Variants in SLC2A12 observed in about 807,000 individuals in gnomAD.
SLC2A12 encodes the protein solute carrier family 2, facilitated glucose transporter member 12.
Under a neutral mutation model 41.8 loss-of-function variants are expected in SLC2A12, and 23 were observed. The ratio of observed to expected loss-of-function variants is 0.55; its 90% CI spans 0.40 to 0.78. SLC2A12 has a LOEUF of 0.78. SLC2A12 is among the 30% of genes least tolerant of loss of function. The probability of loss-of-function intolerance (pLI) is 0.00; values close to 1 mark genes in which losing one functional copy is unlikely to be tolerated. For missense variants in SLC2A12, 654 were observed against 745.6 expected (o/e 0.88, Z 1.43); for synonymous variants, 295 against 285.9 (o/e 1.03, Z -0.32).
intron 2 of SLC2A12, among the ~76,000 whole-genome samples, chr6:134,024,750 G>T (rs570876920): frequency 1.3e-5 from 2 of 152,310 alleles, no homozygotes; most frequent in East Asian, 3.9e-4. Flanking sequence ...TGATAGACTA[G>T]AAACCAGAAT....
chr6:134,033,279 T>C (rs1300730593), intron 1 of SLC2A12, among the ~76,000 whole-genome samples: 2 of 152,152 alleles, frequency 1.3e-5, no homozygotes, highest in Non-Finnish European at 2.9e-5. Flanking sequence ...TTTTGTGTGC[T>C]GTTTGACTTT....
At position 134,029,673 on chromosome 6, in the gene SLC2A12, C is replaced by A. The variant is rs753972774; in HGVS notation, c.152G>T (p.Gly51Val). ...FLSSVTAAVS[G>V]LLVGYELGII... ...CCCAAGTTCATAACCCACCAGGAGG[C>A]CACTGACAGCAGCAGTGACAGATGA... Residue 51 changes from glycine to valine, a missense_variant, in exon 2 of 5, where the codon GGC becomes GTC. Physicochemically the swap from Gly to Val is moderately radical, Grantham distance 109 (BLOSUM62 -3). Transcript: ENST00000275230. 1 of 1,610,290 alleles carries A rather than the reference C, an allele frequency of 6.2e-7. No individual in the cohort carries two copies.
chr6:134,029,492 G>A lies in SLC2A12; in HGVS notation c.333C>T (p.Ile111=). Residue 111 remains isoleucine, a synonymous_variant, in exon 2 of 5, where the codon ATC becomes ATT. Coordinates refer to ENST00000275230, the MANE Select transcript of SLC2A12 (RefSeq NM_145176.3). ...CGAGTCCAAGCAGGCAGGATGACAA[G>A]ATGATTGCTGTCCTTCTTCCATATC... ...IDRYGRRTAI[I]LSSCLLGLGS... The A allele has an allele frequency of 6.2e-7, 1 of 1,614,220 alleles. No individual in the cohort carries two copies. Among genetic ancestry groups the A allele is most frequent in the East Asian group, 2.2e-5 (1 of 44,878 alleles).
intron 4 of SLC2A12, among the ~76,000 whole-genome samples, chr6:134,001,637 A>G (rs1203352311): frequency 6.6e-6 from 1 of 152,194 alleles, no homozygotes; most frequent in Non-Finnish European, 1.5e-5. Context: ...GATGATAATT[A>G]TAAAAGGCTA....
At chr6:134,036,587 C>T (rs999598979) in intron 1 of SLC2A12, among the ~76,000 whole-genome samples, 1 of 152,084 alleles carries the variant, frequency 6.6e-6, no homozygotes, top group African/African-American at 2.4e-5. Context: ...GTCCTTTCAC[C>T]GCTAGCCTTC....
chr6:134,043,979 C>G (rs1009126666), intron 1 of SLC2A12, among the ~76,000 whole-genome samples: 2 of 152,084 alleles, frequency 1.3e-5, no homozygotes, highest in Non-Finnish European at 2.9e-5. Context: ...GCTTTGAACT[C>G]TGTGCTCCCA....
rs1447807978 is a variant in SLC2A12, at chr6:133,990,548, CATTAA to C, written c.*602_*606del. ...ATGAAATTCATAAAAGGATATTTTG[CATTAA>C]ATTATAGTTTATAGTTCATAAAATA... On this transcript the variant is annotated 3_prime_UTR_variant, in exon 5 of 5. Transcript: ENST00000275230. 2.0e-5 allele frequency: 3 copies of C among 152,336 alleles called. No homozygotes were observed. The highest frequency in any genetic ancestry group is 2.9e-5 in the Non-Finnish European group (2 of 68,020). 9.4% of individuals were successfully genotyped at this position (152,336 alleles called of 1,614,324 possible). A position where few individuals can be genotyped will look rare whatever the true frequency, so the allele number is the denominator to read the frequency against.
At chr6:134,038,541 G>C (rs1288366835) in intron 1 of SLC2A12, among the ~76,000 whole-genome samples, 1 of 150,186 alleles carries the variant, frequency 6.7e-6, no homozygotes, top group East Asian at 2.0e-4. Flanking sequence ...TGTATTTTTA[G>C]TAGAGACAGG....
chr6:134,006,777 A>T, intron 3 of SLC2A12, 35 bp downstream of exon 3: 1 of 1,612,686 alleles, frequency 6.2e-7, no homozygotes, highest in East Asian at 2.2e-5. Context: ...TCCTACGAGG[A>T]CCAAAGACAT....
At chr6:134,003,510 C>A (rs1056952229) in intron 3 of SLC2A12, among the ~76,000 whole-genome samples, 2 of 152,196 alleles carry the variant, frequency 1.3e-5, no homozygotes, top group African/African-American at 4.8e-5. Context: ...TTATTCCTTG[C>A]TTAGATCCTA....
chr6:134,039,955 C>T (rs1777358035), intron 1 of SLC2A12, among the ~76,000 whole-genome samples: 1 of 152,062 alleles, frequency 6.6e-6, no homozygotes, highest in African/African-American at 2.4e-5. Context: ...GAGGCCTCCC[C>T]AGAAGCAGAT....
At chr6:134,042,712 C>G (rs1424001568) in intron 1 of SLC2A12, among the ~76,000 whole-genome samples, 1 of 152,066 alleles carries the variant, frequency 6.6e-6, no homozygotes, top group Non-Finnish European at 1.5e-5. Flanking sequence ...CACCTGTAAT[C>G]CCAGCACTTT....
chr6:133,997,319 A>G (rs1776708746), intron 4 of SLC2A12, among the ~76,000 whole-genome samples: 1 of 152,180 alleles, frequency 6.6e-6, no homozygotes, highest in South Asian at 2.1e-4. Flanking sequence ...TACCCAAAGG[A>G]AAATGAATCA....
chr6:134,024,940 T>C (rs1031393473), intron 2 of SLC2A12, among the ~76,000 whole-genome samples: 3 of 152,366 alleles, frequency 2.0e-5, no homozygotes, highest in African/African-American at 7.2e-5. Context: ...TTCAGCATTT[T>C]CTCAATACGT....
chr6:134,026,824 A>C (rs901848927), intron 2 of SLC2A12, among the ~76,000 whole-genome samples: 3 of 152,222 alleles, frequency 2.0e-5, no homozygotes, highest in African/African-American at 4.8e-5. Flanking sequence ...ACAGCTGTTT[A>C]GGCCTGAACT....
intron 1 of SLC2A12, among the ~76,000 whole-genome samples, chr6:134,050,417 A>C (rs1773658355): frequency 6.6e-6 from 1 of 152,256 alleles, no homozygotes; most frequent in South Asian, 2.1e-4. Context: ...AAGATAATTT[A>C]TGGTACTTAT....
intron 2 of SLC2A12, among the ~76,000 whole-genome samples, chr6:134,025,339 C>A (rs998501823): frequency 2.0e-5 from 3 of 152,176 alleles, no homozygotes; most frequent in African/African-American, 7.2e-5. Context: ...GACTCAGTAT[C>A]TTCATTTGTA....
In SLC2A12 at chr6:134,050,090, A is replaced by G. The variant is rs143594748; in HGVS notation, c.103+2288T>C. Among the ~76,000 whole-genome samples, 649 of 152,324 alleles carry G rather than the reference A, an allele frequency of 4.3e-3. 5 individuals are homozygous for G. The highest frequency in any genetic ancestry group is 0.01 in the Middle Eastern group (3 of 294). On this transcript the variant is annotated intron_variant, in intron 1 of 4. Coordinates refer to ENST00000275230, the MANE Select transcript of SLC2A12 (RefSeq NM_145176.3). ...TATTTGACAAATATTACCTCATTAA[A>G]TCTCAACACCTTCATAAAATAGATG... is the stretch of plus-strand genomic sequence containing the variant.
At chr6:134,036,124 T>A (rs1442164197) in intron 1 of SLC2A12, among the ~76,000 whole-genome samples, 3 of 152,232 alleles carry the variant, frequency 2.0e-5, no homozygotes, top group African/African-American at 7.2e-5. Flanking sequence ...GCCAGCTGAC[T>A]AAATCCTACA....
Sources: gnomAD v4.1 joint callset for allele counts (sites outside exome capture counted in the v4.1 genomes callset) on GRCh38, gnomAD v4.1.1 for gene constraint, MANE v1.5 for transcripts, NCBI Gene and HGNC (gene_info 2026-07-23, HGNC 2026-07-21) for gene names.